The following UTS2B variants were observed in gnomAD, a reference collection of about 807,000 sequenced individuals.
UTS2B encodes the protein urotensin 2B, also known as urotensin-2B.
In UTS2B, 21 loss-of-function variants were observed where a neutral mutation model predicts 19.2. The ratio of observed to expected loss-of-function variants is 1.09; its 90% CI spans 0.78 to 1.58. The LOEUF is 1.58. UTS2B is among the 40% of genes most tolerant of loss of function. UTS2B has a pLI of 0.00. For synonymous variants in UTS2B, 57 were observed against 50.2 expected, an observed-to-expected ratio of 1.14 and a Z score of -0.58; for missense variants, 138 against 130.3, an observed-to-expected ratio of 1.06 and a Z score of -0.29.
At chr3:191,293,317 G>C (rs1716768327) in intron 4 of UTS2B, among the ~76,000 whole-genome samples, 1 of 152,180 alleles carries the variant, frequency 6.6e-6, no homozygotes, top group Non-Finnish European at 1.5e-5. Context: ...AGTTTGTAAA[G>C]GATTAGTGTT....
intron 4 of UTS2B, among the ~76,000 whole-genome samples, chr3:191,287,339 A>G (rs1480764389): frequency 6.6e-6 from 1 of 152,136 alleles, no homozygotes; most frequent in Non-Finnish European, 1.5e-5. Flanking sequence ...ACAAACATTG[A>G]CACAAAAATC....
At position 191,267,327 on chromosome 3, in the gene UTS2B, A is replaced by T. The variant is rs535026083; in HGVS notation, c.*1089T>A. On this transcript the variant is annotated 3_prime_UTR_variant, in exon 9 of 9. Transcript: ENST00000340524. ...ATAGTGACATACCTTCAAAAGTGCAACTGATTAGTGATTATTCACAACATA... is the reference window on the plus strand; with the variant it reads ...ATAGTGACATACCTTCAAAAGTGCATCTGATTAGTGATTATTCACAACATA... 1 of 152,262 alleles carries T rather than the reference A, an allele frequency of 6.6e-6. No individual in the cohort carries two copies. The highest frequency in any genetic ancestry group is 1.5e-5 in the Non-Finnish European group (1 of 68,046). The allele number at this position is 152,262 out of a possible 1,614,324, so 9.4% of individuals were successfully genotyped here.
At chr3:191,298,960 A>T (rs904146058) in intron 4 of UTS2B, among the ~76,000 whole-genome samples, 4 of 152,206 alleles carry the variant, frequency 2.6e-5, no homozygotes, top group African/African-American at 9.7e-5. Flanking sequence ...TGCTCTAGGG[A>T]TCTGTGGAAC....
chr3:191,318,435 T>C lies in UTS2B; in HGVS notation c.-585-1996A>G, dbSNP rs542172912. On this transcript the variant is annotated intron_variant, in intron 2 of 8. Transcript: ENST00000340524. ...TGAATGGTTCATCCTTTAAATTGGGTTGCAATGTTTCCAGCTTGAAGATCT... is the reference window on the plus strand; with the variant it reads ...TGAATGGTTCATCCTTTAAATTGGGCTGCAATGTTTCCAGCTTGAAGATCT... Among the ~76,000 whole-genome samples the C allele has an allele frequency of 3.4e-3, 463 of 137,436 alleles. 3 individuals are homozygous for C. Among genetic ancestry groups the C allele is most frequent in the African/African-American group, 0.012 (432 of 35,298 alleles). 90.2% of individuals were successfully genotyped at this position (137,436 alleles called of 152,430 possible).
At chr3:191,332,200 T>C (rs1718012766), upstream of UTS2B, among the ~76,000 whole-genome samples, 1 of 152,172 alleles carries the variant, frequency 6.6e-6, no homozygotes, top group Non-Finnish European at 1.5e-5. Flanking sequence ...AAGGGGATAT[T>C]TAAAAATCTT....
intron 2 of UTS2B, among the ~76,000 whole-genome samples, chr3:191,316,678 A>T (rs987286734): frequency 2.0e-4 from 30 of 152,228 alleles, no homozygotes; most frequent in African/African-American, 6.0e-4. Flanking sequence ...TGGTTGGTGC[A>T]TTTACAATCC....
intron 2 of UTS2B, among the ~76,000 whole-genome samples, chr3:191,321,517 A>C (rs1717610361): frequency 6.6e-6 from 1 of 152,190 alleles, no homozygotes; most frequent in Non-Finnish European, 1.5e-5. Context: ...GGAGCTTTTC[A>C]GCCTTTACTT....
At chr3:191,284,679 G>A (rs1716485463) in intron 4 of UTS2B, among the ~76,000 whole-genome samples, 1 of 151,170 alleles carries the variant, frequency 6.6e-6, no homozygotes, top group Non-Finnish European at 1.5e-5. Context: ...CCAACTCTTT[G>A]GGAGGCTGAG....
rs76764411 is a variant in UTS2B at position 191,330,020 on chromosome 3, G to A, written c.-665+394C>T. Among the ~76,000 whole-genome samples the A allele has an allele frequency of 3.4e-3, 518 of 152,060 alleles. 5 individuals are homozygous for A. In the East Asian group the frequency reaches 0.044, roughly 13 times the overall value. On this transcript the variant is annotated intron_variant, in intron 1 of 8. Transcript: ENST00000340524. ...TTCTCGTGCATCGCAAAGCCTCAGTGGACGCTGAGAGCCGGGTGAATCTGA... is the reference window on the plus strand; with the variant it reads ...TTCTCGTGCATCGCAAAGCCTCAGTAGACGCTGAGAGCCGGGTGAATCTGA...
chr3:191,292,630 G>A lies in UTS2B; in HGVS notation c.-124-10317C>T, dbSNP rs75240302. ...AGTTTTACTCTTTCCTTTTCAATTT[G>A]GGTATCTTTTATTTCTTTTTCCTAC... On this transcript the variant is annotated intron_variant, in intron 4 of 8. Coordinates refer to ENST00000340524, the MANE Select transcript of UTS2B (RefSeq NM_198152.5). Among the ~76,000 whole-genome samples, 119 of 152,148 alleles carry A rather than the reference G, an allele frequency of 7.8e-4. 2 individuals carry two copies. In the East Asian group the frequency reaches 0.022, roughly 28 times the overall value.
At chr3:191,311,291 G>GAA (rs979599250) in intron 3 of UTS2B, among the ~76,000 whole-genome samples, 2 of 152,196 alleles carry the variant, frequency 1.3e-5, no homozygotes, top group Non-Finnish European at 2.9e-5. Context: ...AAAATTTGAA[G>GAA]AAAAATTATT....
Position 191,276,836 on chromosome 3 carries a change from A to G in UTS2B, c.211T>C (p.Leu71=). Residue 71 remains leucine (L), a synonymous_variant, in exon 7 of 9, where the codon TTA becomes CTA. Transcript: ENST00000340524. ...TTAAGTTCTTCCAGTTTGTTAGGTA[A>G]GGCTAGGTCTGCAAGACACATTTGT... ...FQRPFNTDLA[L]PNKLEELNQL... The G allele has an allele frequency of 6.2e-7, 1 of 1,611,950 alleles. No homozygotes were observed. Among genetic ancestry groups the G allele is most frequent in the Non-Finnish European group, 8.5e-7 (1 of 1,179,210 alleles).
chr3:191,309,198 CT>C, intron 3 of UTS2B, among the ~76,000 whole-genome samples: 1 of 152,086 alleles, frequency 6.6e-6, no homozygotes, highest in African/African-American at 2.4e-5. Context: ...GAGTCTCGCT[CT>C]CGCCCAGGCT....
chr3:191,299,745 C>G (rs1213309079), intron 4 of UTS2B, among the ~76,000 whole-genome samples: 1 of 152,226 alleles, frequency 6.6e-6, no homozygotes. Context: ...CCACCATCCT[C>G]CAAACACCAG....
chr3:191,279,762 TCTTTTATGGGAGTCTCTGAAGAAAAA>T (rs1399871949), intron 5 of UTS2B, among the ~76,000 whole-genome samples: 1 of 152,072 alleles, frequency 6.6e-6, no homozygotes, highest in African/African-American at 2.4e-5. Flanking sequence ...GAAAAAAACC[TCTTTTATGGGAGTCTCTGAAGAAAAA>T]CTTTTCTCAA....
the UTS2B span, among the ~76,000 whole-genome samples, chr3:191,339,221 T>C: frequency 3.3e-5 from 5 of 152,120 alleles, no homozygotes; most frequent in African/African-American, 7.2e-5. Context: ...CCTTTTTGCT[T>C]TGGGGATGAT....
chr3:191,306,207 G>A (rs755014775), intron 3 of UTS2B, among the ~76,000 whole-genome samples: 1 of 152,154 alleles, frequency 6.6e-6, no homozygotes, highest in Admixed American at 6.6e-5. Flanking sequence ...TGTGAAGAAT[G>A]TCAATGGTAG....
At chr3:191,294,553 C>T (rs1716807443) in intron 4 of UTS2B, 1 of 151,924 alleles carries the variant, frequency 6.6e-6, no homozygotes, top group South Asian at 2.1e-4. Flanking sequence ...TCCATGTTGT[C>T]ACTTACTTTC....
chr3:191,293,836 G>A (rs1206028144), intron 4 of UTS2B, among the ~76,000 whole-genome samples: 2 of 151,920 alleles, frequency 1.3e-5, no homozygotes, highest in African/African-American at 2.4e-5. Flanking sequence ...AGTGGCTCAC[G>A]CCTGTAATCC....
Sources: gnomAD v4.1 joint callset for allele counts (sites outside exome capture counted in the v4.1 genomes callset) on GRCh38, gnomAD v4.1.1 for gene constraint, MANE v1.5 for transcripts, NCBI Gene and HGNC (gene_info 2026-07-23, HGNC 2026-07-21) for gene names.